Variants in SKIC8 observed in about 807,000 individuals in gnomAD.
SKIC8 encodes the protein SKI8 subunit of superkiller complex.
At chr15:78,293,229 CTT>C in the SKIC8 span, 21 of 1,614,148 alleles carry the variant, frequency 1.3e-5, no homozygotes, top group Non-Finnish European at 1.6e-5. Context: ...AGTTTTCCTT[CTT>C]GTTTGTCCCC....
the SKIC8 span, chr15:78,286,582 C>T: frequency 0.19 from 29,578 of 158,770 alleles, 3,325 homozygotes; most frequent in Admixed American, 0.31. Context: ...AAGATGTATT[C>T]ATTATGACAG....
the SKIC8 span, chr15:78,295,500 G>A: frequency 1.5e-6 from 1 of 670,736 alleles, no homozygotes; most frequent in Non-Finnish European, 2.6e-6. Context: ...CTCAGTATTT[G>A]CATTTCACTA....
At chr15:78,289,825 C>T in the SKIC8 span, 2 of 1,525,326 alleles carry the variant, frequency 1.3e-6, no homozygotes, top group East Asian at 4.5e-5. Context: ...GGCTACTTGG[C>T]AAACCACACC....
the SKIC8 span, chr15:78,293,099 G>A: frequency 1.4e-6 from 2 of 1,388,054 alleles, no homozygotes; most frequent in South Asian, 2.4e-5. Flanking sequence ...GACTGCAACT[G>A]GAGAGTTCAG....
the SKIC8 span, chr15:78,288,151 A>T: frequency 1.3e-6 from 1 of 792,446 alleles, no homozygotes. Context: ...TGAACGGGGG[A>T]GGACCGCCTG....
At chr15:78,295,059 G>A in the SKIC8 span, 1 of 1,511,860 alleles carries the variant, frequency 6.6e-7, no homozygotes. Context: ...TCCCCGAGTA[G>A]ACAGAGTCAC....
At chr15:78,299,574 A>AGGCT in the SKIC8 span, 1 of 152,376 alleles carries the variant, frequency 6.6e-6, no homozygotes, top group Non-Finnish European at 1.5e-5. Flanking sequence ...CTGCACTGCC[A>AGGCT]GGCTGCACGT....
the SKIC8 span, among the ~76,000 whole-genome samples, chr15:78,298,831 C>T: frequency 1.3e-5 from 2 of 152,140 alleles, no homozygotes; most frequent in African/African-American, 4.8e-5. Flanking sequence ...ATCAGTTCCA[C>T]TTTTCTAGTA....
At chr15:78,288,436 G>A in the SKIC8 span, 1 of 1,544,976 alleles carries the variant, frequency 6.5e-7, no homozygotes, top group Non-Finnish European at 8.9e-7. Context: ...TCCTCACTCA[G>A]CTTCCCACTG....
At chr15:78,283,613 C>T in the SKIC8 span, 1 of 984,382 alleles carries the variant, frequency 1.0e-6, no homozygotes, top group Non-Finnish European at 1.5e-6. Context: ...TATTCTGAAT[C>T]TACCAAAACT....
At chr15:78,293,450 G>A in the SKIC8 span, 2 of 569,148 alleles carry the variant, frequency 3.5e-6, no homozygotes, top group Non-Finnish European at 6.1e-6. Context: ...TGGAGGTTCT[G>A]AAGAAGCTAC....
At chr15:78,290,243 TTCTTTA>T in the SKIC8 span, 6 of 864,054 alleles carry the variant, frequency 6.9e-6, no homozygotes, top group Middle Eastern at 5.8e-4. Context: ...AAGATGCTAA[TTCTTTA>T]TCAAGTTTAA....
At chr15:78,283,622 CTG>C in the SKIC8 span, 3 of 896,554 alleles carry the variant, frequency 3.3e-6, no homozygotes, top group Non-Finnish European at 5.0e-6. Context: ...TCTACCAAAA[CTG>C]AGATGAGGAT....
At chr15:78,283,336 A>T in the SKIC8 span, 3 of 936,426 alleles carry the variant, frequency 3.2e-6, no homozygotes, top group African/African-American at 5.0e-5. Context: ...TGCTACAATA[A>T]ATGCTATATT....
the SKIC8 span, chr15:78,292,488 G>T: frequency 9.8e-7 from 1 of 1,020,162 alleles, no homozygotes; most frequent in Non-Finnish European, 1.5e-6. Flanking sequence ...GTGAAATACA[G>T]TTCATGCACA....
At chr15:78,295,420 TACA>T in the SKIC8 span, 11 of 470,962 alleles carry the variant, frequency 2.3e-5, no homozygotes, top group East Asian at 1.8e-4. Flanking sequence ...TTTTTTTTTG[TACA>T]ACATCTTTTA....
the SKIC8 span, among the ~76,000 whole-genome samples, chr15:78,289,245 T>G: frequency 6.6e-6 from 1 of 151,882 alleles, no homozygotes; most frequent in Non-Finnish European, 1.5e-5. Flanking sequence ...AGACCCCATC[T>G]CCTCAAAAAT....
the SKIC8 span, chr15:78,292,133 A>C: frequency 1.3e-5 from 2 of 155,482 alleles, no homozygotes; most frequent in African/African-American, 4.8e-5. Context: ...AAATTAGTAG[A>C]GATGACCATG....
the SKIC8 span, chr15:78,294,980 A>C: frequency 6.2e-7 from 1 of 1,614,172 alleles, no homozygotes; most frequent in Non-Finnish European, 8.5e-7. Flanking sequence ...CGTACTAAAA[A>C]AGAACAGAAG....
Sources: allele counts gnomAD v4.1 joint callset (sites outside exome capture counted in the v4.1 genomes callset), GRCh38; gene constraint gnomAD v4.1.1; transcripts MANE v1.5; gene names NCBI Gene and HGNC (gene_info 2026-07-23, HGNC 2026-07-21).